Variants in HORMAD1 observed in about 807,000 individuals in gnomAD.
HORMAD1 encodes HORMA domain containing 1.
A neutral mutation model predicts 58.2 loss-of-function variants in HORMAD1; 33 were observed. The ratio of observed to expected loss-of-function variants is 0.57; its 90% CI spans 0.43 to 0.76. The LOEUF is 0.76. Ranked by LOEUF, HORMAD1 falls within the 30% of genes least tolerant of loss-of-function variation. The pLI is 0.00. For synonymous variants in HORMAD1, 137 were observed against 144.6 expected, an observed-to-expected ratio of 0.95 and a Z score of 0.38; for missense variants, 363 against 462.0, an observed-to-expected ratio of 0.79 and a Z score of 1.96.
intron 12 of HORMAD1, 124 bp from the exon 13 acceptor site, chr1:150,703,517 A>G: frequency 1.7e-6 from 1 of 584,552 alleles, no homozygotes; most frequent in South Asian, 2.2e-5. Context: ...AAAACCAATA[A>G]TTTTGAGTTG....
intron 10 of HORMAD1, among the ~76,000 whole-genome samples, chr1:150,705,362 C>G (rs745701987): frequency 7.9e-5 from 12 of 151,354 alleles, no homozygotes; most frequent in Admixed American, 1.3e-4. Context: ...CCTGTCTCTA[C>G]TAAAAATACA....
At chr1:150,709,256 T>G (rs1283298655) in intron 7 of HORMAD1, among the ~76,000 whole-genome samples, 1 of 152,158 alleles carries the variant, frequency 6.6e-6, no homozygotes, top group African/African-American at 2.4e-5. Context: ...AGAGACTCCA[T>G]TTTGAAAAAG....
At chr1:150,710,977 G>A (rs1180070073) in intron 7 of HORMAD1, among the ~76,000 whole-genome samples, 1 of 152,182 alleles carries the variant, frequency 6.6e-6, no homozygotes, top group Non-Finnish European at 1.5e-5. Context: ...AAGCGGAGAT[G>A]CTAATAGTGG....
chr1:150,713,946 A>T (rs1197246226), intron 5 of HORMAD1, 139 bp downstream of exon 5: 2 of 647,242 alleles, frequency 3.1e-6, no homozygotes, highest in Non-Finnish European at 2.8e-6. Context: ...AAAATATTCA[A>T]ATGTTTAGGC....
rs587603788 is a variant in HORMAD1 at position 150,713,309 on chromosome 1, T to C, written c.279+776A>G. ...TTTACAAGGGACCTTTTTTGTTTTGTTGATCACTGTTAGCTTACCCAGTTC... is the reference window on the plus strand; with the variant it reads ...TTTACAAGGGACCTTTTTTGTTTTGCTGATCACTGTTAGCTTACCCAGTTC... On this transcript the variant is annotated intron_variant, in intron 5 of 14. Transcript: ENST00000361824. Among the ~76,000 whole-genome samples, 7 of 152,348 alleles carry C rather than the reference T, an allele frequency of 4.6e-5. No individual in the cohort carries two copies. In the South Asian group the frequency reaches 1.2e-3, roughly 27 times the overall value.
At chr1:150,702,900 T>C (rs1651578484) in intron 13 of HORMAD1, among the ~76,000 whole-genome samples, 1 of 152,098 alleles carries the variant, frequency 6.6e-6, no homozygotes, top group Admixed American at 6.5e-5. Context: ...GAACTTAAAT[T>C]AAATGAAATT....
chr1:150,703,522 G>A, intron 12 of HORMAD1, 129 bp from the exon 13 acceptor site: 2 of 580,302 alleles, frequency 3.4e-6, no homozygotes, highest in Non-Finnish European at 6.0e-6. Context: ...CAATAATTTT[G>A]AGTTGGTTCA....
At chr1:150,701,671 A>G (rs115822541) in intron 13 of HORMAD1, among the ~76,000 whole-genome samples, 1 of 152,312 alleles carries the variant, frequency 6.6e-6, no homozygotes, top group Non-Finnish European at 1.5e-5. Context: ...CTTCACCCCA[A>G]TGAACCTTTG....
In HORMAD1 at chr1:150,714,095, T is replaced by C; in HGVS notation, c.269A>G (p.Gln90Arg). The C allele has an allele frequency of 1.3e-6, 2 of 1,534,580 alleles. No individual in the cohort carries two copies. The highest frequency in any genetic ancestry group is 2.3e-5 in the East Asian group (1 of 43,844). ...GATTGCAAGACTTACATATTTTTTC[T>C]GTAAAGCATCATAACATCCTAGCAT... is the stretch of plus-strand genomic sequence containing the variant. Reference protein sequence around the residue: ...KWMLGCYDALQKKYLRMVVLA... With the variant: ...KWMLGCYDALRKKYLRMVVLA... Residue 90 changes from glutamine (Q) to arginine (R), a missense_variant, in exon 5 of 15, where the codon CAG becomes CGG. Transcript: ENST00000361824.
At chr1:150,703,100 A>T (rs972592077) in intron 13 of HORMAD1, among the ~76,000 whole-genome samples, 6 of 152,152 alleles carry the variant, frequency 3.9e-5, no homozygotes, top group African/African-American at 1.4e-4. Flanking sequence ...ATGGCTCTGT[A>T]TCATTGCTTG....
At chr1:150,720,295 C>T (rs1652210756) in intron 1 of HORMAD1, among the ~76,000 whole-genome samples, 1 of 152,156 alleles carries the variant, frequency 6.6e-6, no homozygotes, top group Admixed American at 6.5e-5. Flanking sequence ...AACTCCTGAC[C>T]TCGTGATCCG....
intron 4 of HORMAD1, 79 bp downstream of exon 4, chr1:150,714,536 C>CA (rs1652009731): frequency 3.0e-6 from 2 of 675,136 alleles, no homozygotes; most frequent in Admixed American, 6.9e-5. Flanking sequence ...TTTGGTTAAA[C>CA]ACCAAAGGTA....
intron 3 of HORMAD1, among the ~76,000 whole-genome samples, chr1:150,716,781 G>A (rs1652093163): frequency 6.8e-6 from 1 of 147,802 alleles, no homozygotes; most frequent in South Asian, 2.1e-4. Flanking sequence ...GGCTAACACG[G>A]TGAAACCCCG....
chr1:150,699,874 A>C (rs1021852090), intron 14 of HORMAD1, among the ~76,000 whole-genome samples: 16 of 152,018 alleles, frequency 1.1e-4, no homozygotes, highest in Non-Finnish European at 2.9e-5. Flanking sequence ...ATTACTTTAA[A>C]TCATTCATGG....
At chr1:150,708,655 T>C (rs1193056813) in intron 8 of HORMAD1, among the ~76,000 whole-genome samples, 2 of 152,208 alleles carry the variant, frequency 1.3e-5, no homozygotes, top group Admixed American at 6.5e-5. Context: ...GTTTTAAAAT[T>C]ATATTTCTAT....
chr1:150,717,844 G>T (rs587757900), intron 2 of HORMAD1, among the ~76,000 whole-genome samples: 1 of 152,282 alleles, frequency 6.6e-6, no homozygotes, highest in South Asian at 2.1e-4. Flanking sequence ...GCACTTGGGA[G>T]GCTGAGGCAG....
chr1:150,718,084 A>G (rs1015021471), intron 2 of HORMAD1, among the ~76,000 whole-genome samples: 2 of 152,218 alleles, frequency 1.3e-5, no homozygotes, highest in African/African-American at 4.8e-5. Context: ...ACCCATATAA[A>G]GTGTTTTTCA....
In HORMAD1 at chr1:150,714,626, C is replaced by A; in HGVS notation, c.231G>T (p.Gln77His). ...ATTCTTTTACTTGCCATTTCACTAA[C>A]TGTGTAGATCCTGGGCAATTTTTAT... Reference protein sequence around the residue: ...REDKNCPGSTQLVKWMLGCYD... With the variant: ...REDKNCPGSTHLVKWMLGCYD... Residue 77 changes from glutamine to histidine, a missense_variant, in exon 4 of 15, where the codon CAG becomes CAT. Gln to His is a conservative substitution (Grantham distance 24). Transcript: ENST00000361824. 6.7e-7 allele frequency: 1 copy of A among 1,488,164 alleles called. No individual in the cohort carries two copies. 92.2% of individuals were successfully genotyped at this position (1,488,164 alleles called of 1,614,324 possible).
At position 150,710,058 on chromosome 1, in the gene HORMAD1, C is replaced by T. The variant is rs191679446; in HGVS notation, c.328-1097G>A. Among the ~76,000 whole-genome samples the T allele has an allele frequency of 4.4e-3, 669 of 152,222 alleles. 4 individuals carry two copies. Among genetic ancestry groups the T allele is most frequent in the African/African-American group, 0.015 (617 of 41,538 alleles). The stretch of plus-strand genomic sequence containing the variant: ...ATAAAAACTGAGGGAACTCAGAGAC[C>T]GGCGCCGGTGCAGGTCCTTGGTATG... On this transcript the variant is annotated intron_variant, in intron 7 of 14. Transcript: ENST00000361824.
Sources: gnomAD v4.1 joint callset for allele counts (sites outside exome capture counted in the v4.1 genomes callset) on GRCh38, gnomAD v4.1.1 for gene constraint, MANE v1.5 for transcripts, NCBI Gene and HGNC (gene_info 2026-07-23, HGNC 2026-07-21) for gene names.